Variants in MAGI2 observed in about 807,000 individuals in gnomAD.
MAGI2 encodes membrane-associated guanylate kinase, WW and PDZ domain-containing protein 2.
In MAGI2, 35 loss-of-function variants were observed where a neutral mutation model predicts 133.3. The ratio of observed to expected loss-of-function variants is 0.26; its 90% CI spans 0.20 to 0.35. The LOEUF (loss-of-function observed/expected upper bound fraction) is 0.35. MAGI2 is among the 10% of genes least tolerant of loss of function. MAGI2 has a pLI of 1.00. For synonymous variants in MAGI2, 729 were observed against 710.6 expected (o/e 1.03, Z -0.41); for missense variants, 1,636 against 1,863.4 (o/e 0.88, Z 2.25).
chr7:78,894,503 C>G (rs192779667), intron 2 of MAGI2, among the ~76,000 whole-genome samples: 1 of 152,208 alleles, frequency 6.6e-6, no homozygotes, highest in African/African-American at 2.4e-5. Flanking sequence ...CTTCATGTAC[C>G]TGTGCCATAA....
chr7:78,580,062 CT>C (rs1465861942), intron 3 of MAGI2, among the ~76,000 whole-genome samples: 1 of 152,036 alleles, frequency 6.6e-6, no homozygotes, highest in African/African-American at 2.4e-5. Flanking sequence ...TAGAATGAAG[CT>C]TTTTGAAGTA....
intron 1 of MAGI2, among the ~76,000 whole-genome samples, chr7:79,116,984 A>G (rs1212715852): frequency 1.3e-5 from 2 of 152,194 alleles, no homozygotes; most frequent in African/African-American, 4.8e-5. Context: ...GAGTTACAAC[A>G]ACAGAAAAAT....
intron 2 of MAGI2, among the ~76,000 whole-genome samples, chr7:78,840,758 G>T (rs1341607236): frequency 1.3e-5 from 2 of 151,868 alleles, no homozygotes; most frequent in Non-Finnish European, 2.9e-5. Context: ...TTTGCAAACA[G>T]ACAAGAGTTT....
At chr7:78,195,200 G>T in intron 11 of MAGI2, 137 bp from the exon 12 acceptor site, 1 of 609,918 alleles carries the variant, frequency 1.6e-6, no homozygotes, top group Non-Finnish European at 2.7e-6. Context: ...TAAATTCCTT[G>T]AAAGAAAAGA....
intron 2 of MAGI2, among the ~76,000 whole-genome samples, chr7:78,650,081 T>C (rs1342522007): frequency 6.6e-6 from 1 of 152,162 alleles, no homozygotes; most frequent in Non-Finnish European, 1.5e-5. Context: ...GGTGTTAGTC[T>C]AGCCTGGAGT....
intron 6 of MAGI2, among the ~76,000 whole-genome samples, chr7:78,469,482 G>A (rs1184210449): frequency 1.3e-5 from 2 of 152,026 alleles, no homozygotes; most frequent in African/African-American, 2.4e-5. Flanking sequence ...ACACAAAGTC[G>A]CCTAAGTGAA....
At chr7:78,743,760 A>T (rs1299861391) in intron 2 of MAGI2, among the ~76,000 whole-genome samples, 1 of 152,206 alleles carries the variant, frequency 6.6e-6, no homozygotes, top group African/African-American at 2.4e-5. Context: ...AAGACTCATC[A>T]GCCTCTGAAA....
At chr7:79,424,524 T>C (rs952615665) in intron 1 of MAGI2, among the ~76,000 whole-genome samples, 13 of 152,094 alleles carry the variant, frequency 8.5e-5, no homozygotes, top group African/African-American at 2.7e-4. Context: ...ATATATTATA[T>C]GATCAAAAAA....
intron 2 of MAGI2, among the ~76,000 whole-genome samples, chr7:78,714,625 G>A (rs1362900312): frequency 6.6e-6 from 1 of 152,194 alleles, no homozygotes; most frequent in Non-Finnish European, 1.5e-5. Context: ...AGGGAGCAGA[G>A]TGTGTTTGTT....
At chr7:78,079,733 GCTC>G (rs1815748850) in intron 20 of MAGI2, among the ~76,000 whole-genome samples, 1 of 152,174 alleles carries the variant, frequency 6.6e-6, no homozygotes. Flanking sequence ...TCTTTGCCAT[GCTC>G]ACACTTGATT....
At chr7:79,302,844 A>G (rs1451924000) in intron 1 of MAGI2, among the ~76,000 whole-genome samples, 1 of 152,164 alleles carries the variant, frequency 6.6e-6, no homozygotes, top group Non-Finnish European at 1.5e-5. Context: ...CAAACACCAC[A>G]TTGCAACTGA....
At chr7:78,823,537 C>G (rs1452740466) in intron 2 of MAGI2, among the ~76,000 whole-genome samples, 1 of 136,164 alleles carries the variant, frequency 7.3e-6, no homozygotes, top group East Asian at 2.2e-4. Context: ...GAGCCCGGAT[C>G]GCGCCACTGC....
At chr7:78,641,460 C>T (rs941712297) in intron 2 of MAGI2, among the ~76,000 whole-genome samples, 10 of 152,134 alleles carry the variant, frequency 6.6e-5, no homozygotes, top group Non-Finnish European at 5.9e-5. Context: ...TGTGTTCTAA[C>T]GAAGCTATAT....
intron 2 of MAGI2, among the ~76,000 whole-genome samples, chr7:78,836,443 A>T (rs904370437): frequency 6.6e-6 from 1 of 152,152 alleles, no homozygotes; most frequent in African/African-American, 2.4e-5. Flanking sequence ...TGGTTTCTTA[A>T]AATGTGAGTT....
At chr7:78,790,070 A>G (rs73367857) in intron 2 of MAGI2, among the ~76,000 whole-genome samples, 3,815 of 152,276 alleles carry the variant, frequency 0.025, 155 homozygotes, top group African/African-American at 0.086. Flanking sequence ...TTGTTAGATA[A>G]TTTAGGATAA....
intron 1 of MAGI2, among the ~76,000 whole-genome samples, chr7:79,203,462 A>C (rs17152063): frequency 0.12 from 18,768 of 152,030 alleles, 2,996 homozygotes; most frequent in African/African-American, 0.37. Flanking sequence ...AGAAATGCCA[A>C]CAAATAACTC....
intron 6 of MAGI2, among the ~76,000 whole-genome samples, chr7:78,474,135 ATATGAC>A (rs971213197): frequency 2.2e-4 from 33 of 152,032 alleles, no homozygotes; most frequent in African/African-American, 7.0e-4. Context: ...CCATATGCTG[ATATGAC>A]TATAAGATTA....
chr7:78,129,255 A>G (rs1821301636), intron 18 of MAGI2, among the ~76,000 whole-genome samples: 1 of 152,218 alleles, frequency 6.6e-6, no homozygotes. Flanking sequence ...CACTTAAACT[A>G]TATTCTACCC....
intron 4 of MAGI2, among the ~76,000 whole-genome samples, chr7:78,517,303 T>C (rs1796126070): frequency 1.3e-5 from 2 of 152,138 alleles, no homozygotes; most frequent in African/African-American, 4.8e-5. Context: ...AAAAGACAAA[T>C]ACAATGGAAT....
Sources: gnomAD v4.1 joint callset for allele counts (sites outside exome capture counted in the v4.1 genomes callset) on GRCh38, gnomAD v4.1.1 for gene constraint, MANE v1.5 for transcripts, NCBI Gene and HGNC (gene_info 2026-07-23, HGNC 2026-07-21) for gene names.